Variants in RUBCNL observed in about 807,000 individuals in gnomAD.
The protein encoded by RUBCNL is rubicon like autophagy enhancer.
Under a neutral mutation model 69.5 loss-of-function variants are expected in RUBCNL, and 62 were observed. The observed-to-expected ratio is 0.89, with a 90% CI of 0.73 to 1.10. The LOEUF (loss-of-function observed/expected upper bound fraction) is 1.10, where lower values mean the gene tolerates loss of function less well. Ranked by LOEUF, RUBCNL falls within the 50% of genes least tolerant of loss-of-function variation. The pLI, the probability that RUBCNL is intolerant of heterozygous loss-of-function variation, is 0.00. For synonymous variants in RUBCNL, 291 were observed against 303.6 expected, an observed-to-expected ratio of 0.96 and a Z score of 0.43; for missense variants, 768 against 798.1, an observed-to-expected ratio of 0.96 and a Z score of 0.45.
intron 9 of RUBCNL, among the ~76,000 whole-genome samples, chr13:46,358,308 T>C (rs7993018): frequency 0.39 from 59,850 of 152,038 alleles, 12,402 homozygotes; most frequent in East Asian, 0.59. Context: ...CCCTTTGTAA[T>C]GCTTGGCAGT....
upstream of RUBCNL, chr13:46,387,265 T>C: frequency 2.0e-6 from 2 of 984,978 alleles, no homozygotes; most frequent in South Asian, 9.4e-5. Context: ...GGAGGAGAGC[T>C]ACCGAGGAGG....
rs915685439 is a variant in RUBCNL, at chr13:46,337,194, G to A, written c.*6191C>T. Among the ~76,000 whole-genome samples, 2 of 152,210 alleles carry A rather than the reference G, an allele frequency of 1.3e-5. No homozygotes were observed. Among genetic ancestry groups the A allele is most frequent in the East Asian group, 3.9e-4 (2 of 5,176 alleles). ...AGTCTCACTCTGTTGTCAGGCTGGA[G>A]TACAGTGGCGTGATCTCAGCTCACC... is the stretch of plus-strand genomic sequence containing the variant. On this transcript the variant is annotated 3_prime_UTR_variant, in exon 15 of 15. Coordinates refer to ENST00000429979, the MANE Select transcript of RUBCNL (RefSeq NM_025113.5).
upstream of RUBCNL, among the ~76,000 whole-genome samples, chr13:46,388,471 G>C (rs959170432): frequency 6.7e-5 from 10 of 148,540 alleles, no homozygotes; most frequent in Middle Eastern, 3.7e-3. Flanking sequence ...GTAGAAGGAA[G>C]GAAGGAACCA....
intron 1 of RUBCNL, among the ~76,000 whole-genome samples, chr13:46,382,710 T>C (rs1355140563): frequency 1.3e-5 from 2 of 152,140 alleles, no homozygotes; most frequent in African/African-American, 4.8e-5. Context: ...ATTTTTTTTG[T>C]ATTTTTAGTA....
chr13:46,351,819 C>T (rs2048374610), intron 10 of RUBCNL, among the ~76,000 whole-genome samples: 1 of 144,924 alleles, frequency 6.9e-6, no homozygotes, highest in African/African-American at 2.6e-5. Context: ...GGAATTTTTG[C>T]TCTTTACACT....
intron 2 of RUBCNL, among the ~76,000 whole-genome samples, chr13:46,372,857 T>A (rs1037350029): frequency 2.6e-5 from 4 of 152,090 alleles, no homozygotes; most frequent in African/African-American, 9.7e-5. Context: ...GATCAACTGA[T>A]AAATCCCATA....
chr13:46,362,939 G>GAT (rs57722239), intron 6 of RUBCNL, among the ~76,000 whole-genome samples, 176 bp downstream of exon 6: 2,071 of 41,248 alleles, frequency 0.05, 86 homozygotes, highest in Admixed American at 0.061. Context: ...TATATATATA[G>GAT]ATATATATAT....
intron 5 of RUBCNL, among the ~76,000 whole-genome samples, chr13:46,364,610 C>T (rs190354881): frequency 5.6e-5 from 8 of 142,672 alleles, no homozygotes; most frequent in Admixed American, 2.1e-4. Flanking sequence ...AGTACAGACA[C>T]AATAATATGT....
intron 10 of RUBCNL, among the ~76,000 whole-genome samples, chr13:46,356,190 G>A (rs2138721093): frequency 6.6e-6 from 1 of 152,300 alleles, no homozygotes; most frequent in Admixed American, 6.5e-5. Context: ...AGGCCACGTG[G>A]CTGGAGCTGA....
intron 12 of RUBCNL, among the ~76,000 whole-genome samples, chr13:46,347,433 A>G (rs1016253593): frequency 6.6e-6 from 1 of 152,124 alleles, no homozygotes; most frequent in Non-Finnish European, 1.5e-5. Context: ...CAACAAAAAA[A>G]ACTATACTTT....
chr13:46,360,194 G>T (rs1030634895), intron 8 of RUBCNL, among the ~76,000 whole-genome samples: 18 of 152,030 alleles, frequency 1.2e-4, no homozygotes, highest in Non-Finnish European at 2.6e-4. Flanking sequence ...TTTGAGACCA[G>T]CCTGGCCAAC....
At chr13:46,378,053 G>A in intron 1 of RUBCNL, 48 bp from the exon 2 acceptor site, 1 of 968,228 alleles carries the variant, frequency 1.0e-6, no homozygotes, top group South Asian at 1.7e-5. Flanking sequence ...CCACTGCCAG[G>A]TATGTTACTT....
chr13:46,387,075 C>G, intron 1 of RUBCNL, 59 bp downstream of exon 1: 1 of 985,490 alleles, frequency 1.0e-6, no homozygotes, highest in South Asian at 4.7e-5. Context: ...TTCCCTTTCT[C>G]CAACCACCCT....
chr13:46,343,072 G>A lies in RUBCNL; in HGVS notation c.*313C>T, dbSNP rs567401479. 1.0e-5 allele frequency: 4 copies of A among 392,630 alleles called. No individual in the cohort carries two copies. The highest frequency in any genetic ancestry group is 1.8e-5 in the Non-Finnish European group (4 of 217,042). The allele number at this position is 392,630 out of a possible 1,614,324, so 24.3% of individuals were successfully genotyped here. A position where few individuals can be genotyped will look rare whatever the true frequency, so the allele number is the denominator to read the frequency against. ...CTTGTCAGTTACAGTTCACATATAT[G>A]CACACACATACAAACTGGCTCAGCA... On this transcript the variant is annotated 3_prime_UTR_variant, in exon 15 of 15. Transcript: ENST00000429979.
intron 8 of RUBCNL, 92 bp downstream of exon 8, chr13:46,361,349 T>C (rs1031291981): frequency 1.4e-6 from 2 of 1,396,478 alleles, no homozygotes; most frequent in African/African-American, 1.4e-5. Context: ...CCAGTGACCA[T>C]ACAAGGAAAG....
chr13:46,359,943 C>CT (rs912134700), intron 8 of RUBCNL, among the ~76,000 whole-genome samples: 1 of 152,178 alleles, frequency 6.6e-6, no homozygotes, highest in Non-Finnish European at 1.5e-5. Context: ...AGCCTCACCC[C>CT]TCTTAGTCAA....
intron 10 of RUBCNL, 172 bp from the exon 11 acceptor site, chr13:46,350,523 A>C: frequency 1.8e-6 from 1 of 561,772 alleles, no homozygotes; most frequent in African/African-American, 1.9e-5. Flanking sequence ...AGACTTGGGG[A>C]ATTAAATCAT....
At chr13:46,353,773 T>A (rs1182513489) in intron 10 of RUBCNL, among the ~76,000 whole-genome samples, 1 of 152,264 alleles carries the variant, frequency 6.6e-6, no homozygotes, top group East Asian at 1.9e-4. Flanking sequence ...ATGTCCGGTA[T>A]AACTTTCCAT....
rs1192297345 is a variant in RUBCNL at position 46,342,680 on chromosome 13, C to A, written c.*705G>T. 2 of 152,220 alleles carry A rather than the reference C, an allele frequency of 1.3e-5. No individual in the cohort carries two copies. The highest frequency in any genetic ancestry group is 4.8e-5 in the African/African-American group (2 of 41,440). The allele number at this position is 152,220 out of a possible 1,614,324, so 9.4% of individuals were successfully genotyped here. Reference sequence around the variant, plus strand: ...AGGGATGGAATTCTACTCACTTCTGCATCCCTTGACATTGCAGTGTGTGGA... The same window carrying A: ...AGGGATGGAATTCTACTCACTTCTGAATCCCTTGACATTGCAGTGTGTGGA... On this transcript the variant is annotated 3_prime_UTR_variant, in exon 15 of 15. Transcript: ENST00000429979.
Sources: gnomAD v4.1 joint callset for allele counts (sites outside exome capture counted in the v4.1 genomes callset) on GRCh38, gnomAD v4.1.1 for gene constraint, MANE v1.5 for transcripts, NCBI Gene and HGNC (gene_info 2026-07-23, HGNC 2026-07-21) for gene names.